The following AGPAT5 variants were observed in gnomAD, a reference collection of about 807,000 sequenced individuals.
The protein encoded by AGPAT5 is 1-acyl-sn-glycerol-3-phosphate acyltransferase epsilon.
In AGPAT5, 46 loss-of-function variants were observed where a neutral mutation model predicts 45.6. The ratio of observed to expected loss-of-function variants is 1.01; its 90% CI spans 0.80 to 1.29. The LOEUF (loss-of-function observed/expected upper bound fraction) is 1.29, where lower values mean the gene tolerates loss of function less well. AGPAT5 is among the 50% of genes most tolerant of loss of function. The pLI is 0.00. For missense variants in AGPAT5, 673 were observed against 450.7 expected, an observed-to-expected ratio of 1.49 and a Z score of -4.47; for synonymous variants, 272 against 167.0, an observed-to-expected ratio of 1.63 and a Z score of -4.85.
chr8:6,743,071 C>G (rs1364487828), intron 5 of AGPAT5, among the ~76,000 whole-genome samples: 1 of 152,312 alleles, frequency 6.6e-6, no homozygotes, highest in Admixed American at 6.5e-5. Context: ...TTGTTTTGGT[C>G]TGATTTGAAA....
intron 4 of AGPAT5, among the ~76,000 whole-genome samples, chr8:6,739,170 A>G (rs1204143774): frequency 2.0e-5 from 3 of 152,226 alleles, no homozygotes; most frequent in African/African-American, 4.8e-5. Flanking sequence ...CCTTATGCCA[A>G]TACCATACTG....
chr8:6,749,677 GT>G (rs1162829313), intron 6 of AGPAT5, among the ~76,000 whole-genome samples: 9 of 152,168 alleles, frequency 5.9e-5, no homozygotes, highest in Non-Finnish European at 1.0e-4. Context: ...TATCGAAGGA[GT>G]TACTTACCTA....
At position 6,730,715 on chromosome 8, in the gene AGPAT5, C is replaced by G. The variant is rs1406070941; in HGVS notation, c.294C>G (p.Asp98Glu). 1 of 1,612,280 alleles carries G rather than the reference C, an allele frequency of 6.2e-7. No individual in the cohort carries two copies. The highest frequency in any genetic ancestry group is 8.5e-7 in the Non-Finnish European group (1 of 1,178,658). ...AACTGGGTCCTGTCTCTGCAGTTGA[C>G]TGGATTGTTGCTGACATCTTGGCCA... ...IYLANHQSTV[D>E]WIVADILAIR... is the part of the protein sequence containing the mutation. The change falls in exon 3 of 8, where the codon GAC becomes GAG. Residue 98 changes from aspartate to glutamate, a missense_variant. By Grantham distance (45) the Asp-to-Glu change is conservative. Transcript: ENST00000285518.
chr8:6,719,298 T>C (rs2116865855), intron 1 of AGPAT5, among the ~76,000 whole-genome samples: 1 of 152,304 alleles, frequency 6.6e-6, no homozygotes, highest in South Asian at 2.1e-4. Flanking sequence ...GTTCAGTTAG[T>C]TCAGTATGGC....
intron 4 of AGPAT5, among the ~76,000 whole-genome samples, chr8:6,734,139 C>T (rs1279139137): frequency 6.6e-6 from 1 of 152,084 alleles, no homozygotes; most frequent in Non-Finnish European, 1.5e-5. Flanking sequence ...TTGGAAATTT[C>T]TTTGCTCTTA....
At chr8:6,748,467 G>T (rs140102650) in intron 6 of AGPAT5, among the ~76,000 whole-genome samples, 112 of 152,224 alleles carry the variant, frequency 7.4e-4, no homozygotes, top group African/African-American at 2.6e-3. Context: ...TTGAGCTGGG[G>T]TTGAGAGAGA....
At chr8:6,710,028 A>G (rs191390587) in intron 1 of AGPAT5, among the ~76,000 whole-genome samples, 203 of 152,350 alleles carry the variant, frequency 1.3e-3, no homozygotes, top group African/African-American at 4.6e-3. Flanking sequence ...AAGTTTGTCT[A>G]AATGTATGAT....
chr8:6,710,766 A>G (rs929682194), intron 1 of AGPAT5, among the ~76,000 whole-genome samples: 1 of 152,220 alleles, frequency 6.6e-6, no homozygotes, highest in Non-Finnish European at 1.5e-5. Flanking sequence ...ATAAATAGCT[A>G]TCTTCAAACA....
intron 4 of AGPAT5, among the ~76,000 whole-genome samples, chr8:6,737,568 T>G (rs907903884): frequency 2.0e-5 from 3 of 152,248 alleles, no homozygotes; most frequent in Non-Finnish European, 4.4e-5. Context: ...GAAGCATATT[T>G]GTGATAAAAA....
chr8:6,715,471 TTA>T (rs1331762519), intron 1 of AGPAT5, among the ~76,000 whole-genome samples: 2 of 152,206 alleles, frequency 1.3e-5, no homozygotes, highest in Non-Finnish European at 2.9e-5. Context: ...TCAGTCGCAG[TTA>T]GTGAGTGCTG....
intron 1 of AGPAT5, among the ~76,000 whole-genome samples, chr8:6,713,766 C>T (rs1486647687): frequency 6.6e-6 from 1 of 152,048 alleles, no homozygotes; most frequent in Admixed American, 6.5e-5. Context: ...GAGATTTTGC[C>T]ATATTGCCCA....
At chr8:6,743,934 C>G (rs1801331232) in intron 5 of AGPAT5, among the ~76,000 whole-genome samples, 1 of 152,078 alleles carries the variant, frequency 6.6e-6, no homozygotes, top group African/African-American at 2.4e-5. Flanking sequence ...GTGAATAACA[C>G]TGGCGATTGT....
intron 1 of AGPAT5, among the ~76,000 whole-genome samples, chr8:6,712,932 A>C (rs189260745): frequency 1.1e-3 from 168 of 152,228 alleles, no homozygotes; most frequent in Middle Eastern, 3.4e-3. Context: ...TTCCTATGCA[A>C]TACACTGAAA....
chr8:6,723,294 G>A (rs1168530048), intron 1 of AGPAT5, among the ~76,000 whole-genome samples: 1 of 152,204 alleles, frequency 6.6e-6, no homozygotes, highest in African/African-American at 2.4e-5. Context: ...TAGGTGTGCA[G>A]TGTGTTCTGG....
intron 6 of AGPAT5, among the ~76,000 whole-genome samples, chr8:6,751,660 A>G (rs1801658061): frequency 1.3e-5 from 2 of 152,182 alleles, no homozygotes; most frequent in South Asian, 2.1e-4. Context: ...TCTTGTAATC[A>G]TGGAAGATGT....
At chr8:6,729,831 CAT>C (rs1294077093) in intron 2 of AGPAT5, among the ~76,000 whole-genome samples, 7 of 152,150 alleles carry the variant, frequency 4.6e-5, no homozygotes, top group Non-Finnish European at 8.8e-5. Context: ...TTGTTAATAA[CAT>C]ATTTATTTAA....
intron 1 of AGPAT5, among the ~76,000 whole-genome samples, chr8:6,712,893 T>C (rs1554507618): frequency 6.6e-6 from 1 of 152,240 alleles, no homozygotes; most frequent in Non-Finnish European, 1.5e-5. Flanking sequence ...TTTTCTTTGC[T>C]TCTTTTTTAA....
chr8:6,721,477 T>A (rs183598339), intron 1 of AGPAT5, among the ~76,000 whole-genome samples: 2 of 152,356 alleles, frequency 1.3e-5, no homozygotes, highest in Non-Finnish European at 2.9e-5. Context: ...TTGGTTACTA[T>A]GTTCTAGGTG....
intron 2 of AGPAT5, among the ~76,000 whole-genome samples, chr8:6,729,665 G>A (rs532040204): frequency 7.2e-5 from 11 of 152,058 alleles, no homozygotes; most frequent in Admixed American, 6.5e-4. Context: ...CCCATCTTCT[G>A]CACCCACTTT....
Sources: allele counts gnomAD v4.1 joint callset (sites outside exome capture counted in the v4.1 genomes callset), GRCh38; gene constraint gnomAD v4.1.1; transcripts MANE v1.5; gene names NCBI Gene and HGNC (gene_info 2026-07-23, HGNC 2026-07-21).